Variants in NT5C2 observed in about 807,000 individuals in gnomAD.
NT5C2 encodes 5'-nucleotidase, cytosolic II, also known as cytosolic purine 5'-nucleotidase.
A neutral mutation model predicts 76.1 loss-of-function variants in NT5C2; 58 were observed. The ratio of observed to expected loss-of-function variants is 0.76; its 90% confidence interval spans 0.62 to 0.95. The LOEUF (loss-of-function observed/expected upper bound fraction) is 0.95. Among genes scored for constraint, NT5C2 ranks in the 40% least tolerant of loss-of-function variants. NT5C2 has a pLI of 0.00. For synonymous variants in NT5C2, 229 were observed against 237.4 expected, an observed-to-expected ratio of 0.96 and a Z score of 0.32; for missense variants, 478 against 690.3, an observed-to-expected ratio of 0.69 and a Z score of 3.45.
chr10:103,135,338 A>C (rs1426596374), intron 4 of NT5C2, among the ~76,000 whole-genome samples: 1 of 152,194 alleles, frequency 6.6e-6, no homozygotes, highest in East Asian at 1.9e-4. Context: ...ATAGTGAATA[A>C]GTCTCATGAG....
intron 8 of NT5C2, 30 bp downstream of exon 8, chr10:103,101,015 T>A: frequency 8.3e-7 from 1 of 1,209,558 alleles, no homozygotes; most frequent in South Asian, 1.3e-5. Flanking sequence ...AAAAATCAAT[T>A]GGAAAAAAAT....
At chr10:103,112,806 A>C (rs1203795307) in intron 4 of NT5C2, among the ~76,000 whole-genome samples, 2 of 152,250 alleles carry the variant, frequency 1.3e-5, no homozygotes. Flanking sequence ...CAACATCAAC[A>C]TGCTCATCTA....
Position 103,093,955 on chromosome 10 carries a change from G to A in NT5C2, c.988+17C>T, listed in dbSNP as rs1189038904. 3 of 1,592,626 alleles carry A rather than the reference G, an allele frequency of 1.9e-6. No homozygotes were observed. The highest frequency in any genetic ancestry group is 2.7e-5 in the African/African-American group (2 of 74,478). On this transcript the variant is annotated intron_variant, in intron 14 of 18. Coordinates refer to ENST00000404739, the MANE Select transcript of NT5C2 (RefSeq NM_001351169.2). ...GTCTGAGCAAAGACATTAAATAAAG[G>A]GAAGTCTGTGACTTACCTCCTGAGT...
intron 12 of NT5C2, 163 bp from the exon 13 acceptor site, chr10:103,094,618 T>G: frequency 1.0e-5 from 6 of 590,536 alleles, no homozygotes; most frequent in East Asian, 2.9e-5. Flanking sequence ...GCACAGTGGC[T>G]CACACCTGTA....
chr10:103,171,010 T>C (rs897740504), intron 3 of NT5C2, among the ~76,000 whole-genome samples: 2 of 152,220 alleles, frequency 1.3e-5, no homozygotes, highest in African/African-American at 4.8e-5. Context: ...TTATGTTTTA[T>C]TACATAGACA....
intron 4 of NT5C2, among the ~76,000 whole-genome samples, chr10:103,118,477 C>T (rs1452301912): frequency 6.6e-6 from 1 of 151,988 alleles, no homozygotes; most frequent in African/African-American, 2.4e-5. Context: ...CCACCTCAGC[C>T]TCCAGAGTAG....
chr10:103,098,185 A>AG lies in NT5C2; in HGVS notation c.687+745_687+746insC, dbSNP rs1491167449. On this transcript the variant is annotated intron_variant, in intron 10 of 18. Transcript: ENST00000404739. ...AGACTTATAGAAAAGCTGTGAAAATAAAGAGTTCCCATATATTCTTCCTCC... is the reference window on the plus strand; with the variant it reads ...AGACTTATAGAAAAGCTGTGAAAATAGAAGAGTTCCCATATATTCTTCCTCC... 8.5e-5 allele frequency: 36 copies of AG among 422,712 alleles called. No individual in the cohort carries two copies. The Admixed American group carries it at 9.0e-4, about 11-fold the overall frequency. 26.2% of individuals were successfully genotyped at this position (422,712 alleles called of 1,614,324 possible).
At chr10:103,147,997 T>C (rs576317109) in intron 3 of NT5C2, among the ~76,000 whole-genome samples, 1 of 152,286 alleles carries the variant, frequency 6.6e-6, no homozygotes, top group South Asian at 2.1e-4. Context: ...ATAAAGCTGT[T>C]ATTAAAAAAA....
rs1370057401 is a variant in NT5C2, at chr10:103,090,179, A to AAGAT, written c.1450-275_1450-272dup. The stretch of plus-strand genomic sequence containing the variant: ...TTACTTTCTATTTTACAGCAAAAAC[A>AAGAT]AGATAGTCCTGAAACAGATCAGAAT... On this transcript the variant is annotated intron_variant, in intron 18 of 18. Coordinates refer to ENST00000404739, the MANE Select transcript of NT5C2 (RefSeq NM_001351169.2). 11 of 404,236 alleles carry AAGAT rather than the reference A, an allele frequency of 2.7e-5. No individual in the cohort carries two copies. The highest frequency in any genetic ancestry group is 7.7e-5 in the East Asian group (2 of 25,984). 25.0% of individuals were successfully genotyped at this position (404,236 alleles called of 1,614,324 possible). A position where few individuals can be genotyped will look rare whatever the true frequency, so the allele number is the denominator to read the frequency against.
intron 1 of NT5C2, among the ~76,000 whole-genome samples, chr10:103,186,048 C>A (rs951797764): frequency 3.9e-5 from 6 of 152,108 alleles, no homozygotes; most frequent in Non-Finnish European, 8.8e-5. Context: ...ATGTTAGGTA[C>A]TATTATCCTC....
intron 4 of NT5C2, among the ~76,000 whole-genome samples, chr10:103,108,992 G>A (rs1416378600): frequency 6.6e-6 from 1 of 152,010 alleles, no homozygotes; most frequent in East Asian, 1.9e-4. Flanking sequence ...CCAAGTAGCT[G>A]GGATTACAGG....
intron 8 of NT5C2, among the ~76,000 whole-genome samples, chr10:103,100,237 T>G (rs1405772392): frequency 6.6e-6 from 1 of 152,218 alleles, no homozygotes; most frequent in African/African-American, 2.4e-5. Context: ...TACAAAGTGA[T>G]AGAAGAATAT....
intron 4 of NT5C2, among the ~76,000 whole-genome samples, chr10:103,122,796 C>A (rs1280629065): frequency 6.6e-6 from 1 of 152,164 alleles, no homozygotes; most frequent in Non-Finnish European, 1.5e-5. Context: ...AGCAAAGAAT[C>A]TGAATGAACA....
At chr10:103,141,734 T>C (rs12220375) in intron 3 of NT5C2, among the ~76,000 whole-genome samples, 13,530 of 152,220 alleles carry the variant, frequency 0.089, 848 homozygotes, top group East Asian at 0.28. Flanking sequence ...GATAAAAATA[T>C]AGACTAATTA....
chr10:103,134,712 C>A (rs949441148), intron 4 of NT5C2, among the ~76,000 whole-genome samples: 3 of 152,210 alleles, frequency 2.0e-5, no homozygotes, highest in African/African-American at 7.2e-5. Flanking sequence ...GATCCACTGA[C>A]AGCTTGCACC....
rs1564890770 is a variant in NT5C2 at position 103,089,339 on chromosome 10, T to C, written c.*333A>G. On this transcript the variant is annotated 3_prime_UTR_variant, in exon 19 of 19. Coordinates refer to ENST00000404739, the MANE Select transcript of NT5C2 (RefSeq NM_001351169.2). ...CTCTTTGTTCCACTCTGAGACTCTT[T>C]CCTTTTCCTCGTGTATCCAGATACA... 2 of 257,506 alleles carry C rather than the reference T, an allele frequency of 7.8e-6. No individual in the cohort carries two copies. Among genetic ancestry groups the C allele is most frequent in the East Asian group, 1.2e-4 (2 of 16,858 alleles). 16.0% of individuals were successfully genotyped at this position (257,506 alleles called of 1,614,324 possible). A position where few individuals can be genotyped will look rare whatever the true frequency, so the allele number is the denominator to read the frequency against.
intron 6 of NT5C2, among the ~76,000 whole-genome samples, chr10:103,103,108 A>G (rs774438387): frequency 3.9e-5 from 6 of 152,240 alleles, no homozygotes; most frequent in Non-Finnish European, 8.8e-5. Context: ...ATAAAAATGC[A>G]CAGTTCTGAC....
chr10:103,180,515 T>G (rs1296809198), intron 2 of NT5C2, among the ~76,000 whole-genome samples: 1 of 152,176 alleles, frequency 6.6e-6, no homozygotes, highest in Admixed American at 6.6e-5. Context: ...GTGGATTGCT[T>G]GAACCCAGGA....
At chr10:103,176,849 C>T (rs1165132664) in intron 2 of NT5C2, among the ~76,000 whole-genome samples, 1 of 152,174 alleles carries the variant, frequency 6.6e-6, no homozygotes, top group Non-Finnish European at 1.5e-5. Flanking sequence ...TGGAAACCTC[C>T]AGCTTGTACA....
Sources: allele counts gnomAD v4.1 joint callset (sites outside exome capture counted in the v4.1 genomes callset), GRCh38; gene constraint gnomAD v4.1.1; transcripts MANE v1.5; gene names NCBI Gene and HGNC (gene_info 2026-07-23, HGNC 2026-07-21).